Variants in ITGA11 observed in about 807,000 individuals in gnomAD.
ITGA11 encodes the protein integrin subunit alpha 11.
ITGA11 carries 97 observed loss-of-function variants against 141.9 expected under a neutral mutation model. The ratio of observed to expected loss-of-function variants is 0.68; its 90% CI spans 0.58 to 0.81. ITGA11 has a LOEUF of 0.81. ITGA11 is among the 30% of genes least tolerant of loss of function. ITGA11 has a pLI of 0.00. For synonymous variants in ITGA11, 658 were observed against 624.6 expected (o/e 1.05, Z -0.80); for missense variants, 1,387 against 1,559.2 (o/e 0.89, Z 1.86).
intron 1 of ITGA11, among the ~76,000 whole-genome samples, chr15:68,409,096 G>A (rs1896710260): frequency 6.6e-6 from 1 of 151,812 alleles, no homozygotes; most frequent in African/African-American, 2.4e-5. Flanking sequence ...GGTTCCTTGA[G>A]CTGGCCTCAG....
chr15:68,310,565 A>T (rs896837132), intron 26 of ITGA11, among the ~76,000 whole-genome samples: 4 of 152,250 alleles, frequency 2.6e-5, no homozygotes, highest in African/African-American at 7.2e-5. Flanking sequence ...TCTCTAGGGC[A>T]GGAGGCCCCA....
intron 2 of ITGA11, among the ~76,000 whole-genome samples, chr15:68,382,991 G>A (rs1895898820): frequency 6.6e-6 from 1 of 152,192 alleles, no homozygotes; most frequent in East Asian, 1.9e-4. Flanking sequence ...CCAAGGAGCA[G>A]CCAGGCGTGG....
At chr15:68,420,990 T>C (rs1281559133) in intron 1 of ITGA11, among the ~76,000 whole-genome samples, 1 of 151,746 alleles carries the variant, frequency 6.6e-6, no homozygotes, top group Non-Finnish European at 1.5e-5. Context: ...GAGAAGCATG[T>C]TGGAGTAAAC....
intron 7 of ITGA11, among the ~76,000 whole-genome samples, chr15:68,356,902 C>A (rs1895087059): frequency 1.3e-5 from 2 of 152,098 alleles, no homozygotes; most frequent in Non-Finnish European, 2.9e-5. Context: ...AGCCAACAGC[C>A]AACAACAACT....
intron 22 of ITGA11, among the ~76,000 whole-genome samples, chr15:68,314,271 T>G (rs535052680): frequency 6.6e-6 from 1 of 152,274 alleles, no homozygotes; most frequent in African/African-American, 2.4e-5. Flanking sequence ...GGAGGAGGGA[T>G]GGTGAGGAAT....
chr15:68,326,673 C>T lies in ITGA11; in HGVS notation c.2192G>A (p.Arg731Gln), dbSNP rs866595833. 2.7e-5 allele frequency: 43 copies of T among 1,590,796 alleles called. No homozygotes were observed. The highest frequency in any genetic ancestry group is 1.8e-4 in the East Asian group (8 of 43,630). ...LLSSGQELCE[R>Q]INFHVLDTAD... ...GCTTACCAGGACATGGAAGTTGATC[C>T]GCTCACAGAGCTCCTGGCCGGAGGA... The change falls in exon 17 of 30, where the codon CGG becomes CAG. Residue 731 changes from arginine (R) to glutamine (Q), a missense_variant. Physicochemically the swap from Arg to Gln is conservative, Grantham distance 43. Transcript: ENST00000315757. This position sits in a 1 kb window ranked among gnomAD's most constrained non-coding sequence, Gnocchi z 6.8.
intron 2 of ITGA11, among the ~76,000 whole-genome samples, chr15:68,373,059 G>A (rs938488809): frequency 6.6e-6 from 1 of 151,754 alleles, no homozygotes. Flanking sequence ...TTTTATTTCT[G>A]TACTGCAGTA....
At chr15:68,314,467 CAT>C (rs1893502575) in intron 22 of ITGA11, among the ~76,000 whole-genome samples, 2 of 152,280 alleles carry the variant, frequency 1.3e-5, no homozygotes, top group Admixed American at 1.3e-4. Flanking sequence ...TCATTTTAGA[CAT>C]AAAAATGTAC....
intron 10 of ITGA11, among the ~76,000 whole-genome samples, chr15:68,341,633 AGT>A (rs2140317572): frequency 6.6e-6 from 1 of 152,298 alleles, no homozygotes; most frequent in African/African-American, 2.4e-5. Context: ...GGAGGGGCGC[AGT>A]ATTTGGGGTC....
chr15:68,307,453 C>T lies in ITGA11; in HGVS notation c.3286-10G>A. On this transcript the variant is annotated splice_polypyrimidine_tract_variant and intron_variant, in intron 27 of 29. Transcript: ENST00000315757. This position sits in a 1 kb window ranked among gnomAD's most constrained non-coding sequence, Gnocchi z 6.1. The stretch of plus-strand genomic sequence containing the variant: ...TGGATTTGTACTTGAGCTGTGCAAT[C>T]AGAGGGCTCGTCAGAAGCTGGCTTG... 1 of 1,553,698 alleles carries T rather than the reference C, an allele frequency of 6.4e-7. No individual in the cohort carries two copies. The highest frequency in any genetic ancestry group is 8.7e-7 in the Non-Finnish European group (1 of 1,147,400).
At chr15:68,384,264 T>TAAAA (rs61654399) in intron 2 of ITGA11, among the ~76,000 whole-genome samples, 1 of 132,658 alleles carries the variant, frequency 7.5e-6, no homozygotes, top group Admixed American at 7.7e-5. Context: ...GGTTTGGCAT[T>TAAAA]AAAAAAAAAA....
At position 68,328,492 on chromosome 15, in the gene ITGA11, T is replaced by C. The variant is rs1894056044; in HGVS notation, c.1902-230A>G. On this transcript the variant is annotated intron_variant, in intron 15 of 29. Coordinates refer to ENST00000315757, the MANE Select transcript of ITGA11 (RefSeq NM_001004439.2). This position sits in a 1 kb window ranked among gnomAD's most constrained non-coding sequence, Gnocchi z 4.8. Reference sequence around the variant, plus strand: ...GCTCAGCCACCTCATGGCCCCTCCATGCAGCCCCTCAGCACTTTCCCCGAG... The same window carrying C: ...GCTCAGCCACCTCATGGCCCCTCCACGCAGCCCCTCAGCACTTTCCCCGAG... Among the ~76,000 whole-genome samples the C allele has an allele frequency of 6.6e-6, 1 of 152,150 alleles. No individual in the cohort carries two copies.
chr15:68,306,451 G>A lies in ITGA11; in HGVS notation c.3381+897C>T, dbSNP rs570445544. On this transcript the variant is annotated intron_variant, in intron 28 of 29. Transcript: ENST00000315757. Reference sequence around the variant, plus strand: ...TCAAACAGTCTCCAGAAAGCTTTCCGGGGATGTCCCTCGCTCGGAATCGCT... The same window carrying A: ...TCAAACAGTCTCCAGAAAGCTTTCCAGGGATGTCCCTCGCTCGGAATCGCT... Among the ~76,000 whole-genome samples the A allele has an allele frequency of 3.0e-4, 46 of 152,216 alleles. 1 individual carries two copies. In the South Asian group the frequency reaches 6.4e-3, roughly 21 times the overall value.
chr15:68,313,497 G>T (rs1185238682), intron 23 of ITGA11, among the ~76,000 whole-genome samples: 1 of 152,156 alleles, frequency 6.6e-6, no homozygotes, highest in East Asian at 1.9e-4. Context: ...TATGCCAGGG[G>T]TGGACGCCTC....
rs183487681 is a variant in ITGA11 at position 68,396,690 on chromosome 15, G to T, written c.164+6228C>A. On this transcript the variant is annotated intron_variant, in intron 2 of 29. Transcript: ENST00000315757. ...AAAATCCAAAGGAATCCAAAAGGGA[G>T]TTATTAGAAATAATAAATGACTTTA... 3.5e-3 allele frequency among the ~76,000 whole-genome samples: 532 copies of T among 150,920 alleles called. 5 individuals are homozygous for T. Among genetic ancestry groups the T allele is most frequent in the African/African-American group, 0.012 (511 of 41,260 alleles).
rs187777173 is a variant in ITGA11, at chr15:68,426,904, A to G, written c.52+5111T>C. ...GTAGCACAGGCCTGTAATCCCAGCTACTCAGGAAGCTGAGGCAGAAGAATC... is the reference window on the plus strand; with the variant it reads ...GTAGCACAGGCCTGTAATCCCAGCTGCTCAGGAAGCTGAGGCAGAAGAATC... On this transcript the variant is annotated intron_variant, in intron 1 of 29. Coordinates refer to ENST00000315757, the MANE Select transcript of ITGA11 (RefSeq NM_001004439.2). 1.1e-3 allele frequency among the ~76,000 whole-genome samples: 173 copies of G among 150,744 alleles called. 3 individuals are homozygous for G. The East Asian group carries it at 0.017, about 15-fold the overall frequency.
At chr15:68,357,425 A>G in intron 6 of ITGA11, 126 bp from the exon 7 acceptor site, 1 of 1,169,826 alleles carries the variant, frequency 8.5e-7, no homozygotes, top group South Asian at 1.8e-5. Context: ...AGGGCTGAGG[A>G]CCTTTCCAAG....
chr15:68,321,571 C>T lies in ITGA11; in HGVS notation c.2323-68G>A, dbSNP rs575067761. ...CGCAGCCCCTCGCCCTCAATGTACA[C>T]CAGCTCTGTCTCCACCACACTAGAC... On this transcript the variant is annotated intron_variant, in intron 18 of 29. Transcript: ENST00000315757. The surrounding 1 kb of genome is among the most constrained non-coding windows in gnomAD (Gnocchi z 4.9). 20 of 962,082 alleles carry T rather than the reference C, an allele frequency of 2.1e-5. No homozygotes were observed. The highest frequency in any genetic ancestry group is 1.9e-4 in the Admixed American group (8 of 41,790). 59.6% of individuals were successfully genotyped at this position (962,082 alleles called of 1,614,324 possible).
At position 68,394,715 on chromosome 15, in the gene ITGA11, C is replaced by T. The variant is rs1428999440; in HGVS notation, c.164+8203G>A. On this transcript the variant is annotated intron_variant, in intron 2 of 29. Transcript: ENST00000315757. ...GACTGATAAAAAATAAGAGGGACAA[C>T]ACAAATTACCAAAAAGAGAAATGAA... Among the ~76,000 whole-genome samples the T allele has an allele frequency of 4.0e-5, 6 of 151,894 alleles. No homozygotes were observed. The East Asian group carries it at 1.2e-3, about 29-fold the overall frequency.
Sources: gnomAD v4.1 joint callset for allele counts (sites outside exome capture counted in the v4.1 genomes callset) on GRCh38, gnomAD v4.1.1 for gene constraint, Gnocchi (gnomAD v3.1) non-coding constraint, MANE v1.5 for transcripts, NCBI Gene and HGNC (gene_info 2026-07-23, HGNC 2026-07-21) for gene names.